TDP1: variants seen among roughly 807,000 people sequenced by gnomAD.
TDP1 encodes tyr-DNA phosphodiesterase 1.
Under a neutral mutation model 81.5 loss-of-function variants are expected in TDP1, and 64 were observed. The observed-to-expected ratio is 0.79, with a 90% CI of 0.64 to 0.97. The LOEUF is 0.97. TDP1 is among the 50% of genes least tolerant of loss of function. The pLI, the probability that TDP1 is intolerant of heterozygous loss-of-function variation, is 0.00. For synonymous variants in TDP1, 256 were observed against 264.3 expected (o/e 0.97, Z 0.30); for missense variants, 723 against 743.8 (o/e 0.97, Z 0.33).
At chr14:90,032,818 A>C in intron 15 of TDP1, 1 of 985,036 alleles carries the variant, frequency 1.0e-6, no homozygotes, top group Non-Finnish European at 1.2e-6. Flanking sequence ...GAAATGGGCT[A>C]TCATATCCAA....
intron 12 of TDP1, among the ~76,000 whole-genome samples, chr14:89,990,547 C>CTTT (rs34248681): frequency 7.8e-5 from 8 of 102,356 alleles, no homozygotes; most frequent in Non-Finnish European, 1.2e-4. Flanking sequence ...TGTATTAGCC[C>CTTT]TTTTTTTTTT....
At chr14:90,006,473 G>A (rs1334818000) in intron 14 of TDP1, among the ~76,000 whole-genome samples, 1 of 152,054 alleles carries the variant, frequency 6.6e-6, no homozygotes. Context: ...TGACCTCCCA[G>A]GCTCAGGTGA....
In TDP1 at chr14:89,980,616, C is replaced by T. The variant is rs184648965; in HGVS notation, c.868C>T (p.His290Tyr). 12 of 1,614,144 alleles carry T rather than the reference C, an allele frequency of 7.4e-6. No homozygotes were observed. Among genetic ancestry groups the T allele is most frequent in the East Asian group, 2.2e-5 (1 of 44,884 alleles). Residue 290 changes from histidine to tyrosine, a missense_variant, in exon 8 of 17, where the codon CAC becomes TAC. Transcript: ENST00000335725. ...HTSNLIHADW[H>Y]QKTQGIWLSP... ...CTCCAACCTCATCCATGCTGACTGG[C>T]ACCAGAAAACTCAAGGGTTCGTAGG... is the stretch of plus-strand genomic sequence containing the variant.
intron 12 of TDP1, among the ~76,000 whole-genome samples, chr14:89,991,317 C>T (rs565959415): frequency 2.6e-5 from 4 of 152,136 alleles, no homozygotes; most frequent in South Asian, 2.1e-4. Context: ...TGGGGAACAA[C>T]GTGGTATTTT....
At chr14:90,002,196 A>G (rs1897246110) in intron 14 of TDP1, among the ~76,000 whole-genome samples, 1 of 152,172 alleles carries the variant, frequency 6.6e-6, no homozygotes, top group Admixed American at 6.5e-5. Context: ...TAATAGCTGT[A>G]ACCCATCAAC....
rs1335607422 is a variant in TDP1, at chr14:89,974,617, G to A, written c.757-1164G>A. On this transcript the variant is annotated intron_variant, in intron 6 of 16. Coordinates refer to ENST00000335725, the MANE Select transcript of TDP1 (RefSeq NM_018319.4). ...GTGGGGAGAGGTTGCAGTAGTGATT[G>A]CCACGATTATAGAGTGCCTATTGCA... is the stretch of plus-strand genomic sequence containing the variant. 2.0e-5 allele frequency among the ~76,000 whole-genome samples: 3 copies of A among 152,296 alleles called. No homozygotes were observed. The South Asian group carries it at 6.2e-4, about 32-fold the overall frequency.
chr14:90,025,187 A>G (rs1463489477), intron 15 of TDP1, among the ~76,000 whole-genome samples: 4 of 152,210 alleles, frequency 2.6e-5, no homozygotes, highest in Non-Finnish European at 5.9e-5. Context: ...CACCTAGAAA[A>G]GGAATCCTGC....
chr14:89,978,022 G>A (rs1452502555), intron 7 of TDP1, among the ~76,000 whole-genome samples: 1 of 152,212 alleles, frequency 6.6e-6, no homozygotes, highest in African/African-American at 2.4e-5. Flanking sequence ...CAAATATCCA[G>A]ATCCAGGTGG....
chr14:89,966,229 G>A (rs1566847736), intron 4 of TDP1, 39 bp downstream of exon 4: 5 of 1,360,222 alleles, frequency 3.7e-6, no homozygotes, highest in Non-Finnish European at 5.3e-6. Flanking sequence ...TTGGGTGAAA[G>A]TAGACAGGTA....
chr14:89,967,602 C>T (rs1893102435), intron 5 of TDP1, among the ~76,000 whole-genome samples, 180 bp downstream of exon 5: 1 of 152,168 alleles, frequency 6.6e-6, no homozygotes, highest in Admixed American at 6.6e-5. Flanking sequence ...TAATCCTACA[C>T]ATTCTTTTTA....
chr14:89,965,346 G>T (rs758970266), intron 3 of TDP1, among the ~76,000 whole-genome samples: 1 of 125,892 alleles, frequency 7.9e-6, no homozygotes, highest in Non-Finnish European at 1.5e-5. Context: ...AACCCCGACT[G>T]TACCCCTTTC....
intron 4 of TDP1, among the ~76,000 whole-genome samples, chr14:89,966,544 A>C (rs113128799): frequency 3.9e-4 from 60 of 152,324 alleles, no homozygotes; most frequent in African/African-American, 1.3e-3. Context: ...GTATGGATAG[A>C]GTGGTGAAGG....
chr14:89,993,909 C>A (rs759602182), intron 14 of TDP1, among the ~76,000 whole-genome samples: 7 of 152,122 alleles, frequency 4.6e-5, no homozygotes, highest in African/African-American at 1.7e-4. Context: ...GTGTAATTCA[C>A]GTACCATAAA....
At chr14:90,034,766 T>TC (rs1158584897) in intron 16 of TDP1, among the ~76,000 whole-genome samples, 1 of 152,216 alleles carries the variant, frequency 6.6e-6, no homozygotes, top group African/African-American at 2.4e-5. Context: ...GATTTTTTTT[T>TC]CAATTGGCAA....
At chr14:89,989,902 T>C in intron 12 of TDP1, 137 bp downstream of exon 12, 1 of 738,080 alleles carries the variant, frequency 1.4e-6, no homozygotes, top group African/African-American at 1.7e-5. Flanking sequence ...ATAGGCAATA[T>C]GAAGCTCTGC....
At chr14:89,966,105 AT>A in intron 3 of TDP1, 41 bp from the exon 4 acceptor site, 2 of 1,378,702 alleles carry the variant, frequency 1.5e-6, no homozygotes, top group Non-Finnish European at 1.0e-6. Context: ...TGACTAGAGG[AT>A]TTTTGTGAGT....
intron 15 of TDP1, among the ~76,000 whole-genome samples, chr14:90,024,228 C>CT (rs1450809010): frequency 6.6e-6 from 1 of 152,166 alleles, no homozygotes; most frequent in Non-Finnish European, 1.5e-5. Context: ...ACTGTTTATG[C>CT]TGTGCAGAAC....
At chr14:89,999,328 C>T (rs1366734027) in intron 14 of TDP1, among the ~76,000 whole-genome samples, 2 of 152,122 alleles carry the variant, frequency 1.3e-5, no homozygotes, top group African/African-American at 4.8e-5. Context: ...TATTTACTTG[C>T]TTTAGAATAG....
In TDP1 at chr14:90,043,599, A is replaced by G. The variant is rs1280221401; in HGVS notation, c.*456A>G. On this transcript the variant is annotated 3_prime_UTR_variant, in exon 17 of 17. Transcript: ENST00000335725. ...GGTGATTTTATATGATATTTTGAGT[A>G]ATTTTATGCATGAAACAAAGTTTTG... The G allele has an allele frequency of 5.5e-6, 1 of 182,946 alleles. No homozygotes were observed. The allele number at this position is 182,946 out of a possible 1,614,324, so 11.3% of individuals were successfully genotyped here. A position where few individuals can be genotyped will look rare whatever the true frequency, so the allele number is the denominator to read the frequency against.
Sources: gnomAD v4.1 joint callset for allele counts (sites outside exome capture counted in the v4.1 genomes callset) on GRCh38, gnomAD v4.1.1 for gene constraint, MANE v1.5 for transcripts, NCBI Gene and HGNC (gene_info 2026-07-23, HGNC 2026-07-21) for gene names.